Variants in THADA observed in about 807,000 individuals in gnomAD.
THADA encodes the protein tRNA (32-2'-O)-methyltransferase regulator THADA.
THADA carries 213 observed loss-of-function variants against 219.8 expected under a neutral mutation model. That is an observed-to-expected ratio of 0.97 (90% CI 0.87 to 1.09). The LOEUF (loss-of-function observed/expected upper bound fraction) is 1.09. Ranked by LOEUF, THADA falls within the 50% of genes least tolerant of loss-of-function variation. The pLI is 0.00. For synonymous variants in THADA, 1,018 were observed against 828.9 expected (o/e 1.23, Z -3.92); for missense variants, 2,956 against 2,311.3 (o/e 1.28, Z -5.72).
At chr2:43,327,477 GA>G (rs1257944593) in intron 30 of THADA, among the ~76,000 whole-genome samples, 3 of 137,558 alleles carry the variant, frequency 2.2e-5, no homozygotes, top group Admixed American at 7.2e-5. Flanking sequence ...GAGAAGTAAA[GA>G]GGGGGGGTGG....
intron 30 of THADA, 64 bp downstream of exon 30, chr2:43,344,058 C>T: frequency 1.7e-6 from 2 of 1,173,156 alleles, no homozygotes; most frequent in African/African-American, 1.5e-5. Context: ...CAACTAGAAA[C>T]AGCAATTCTC....
intron 26 of THADA, among the ~76,000 whole-genome samples, chr2:43,439,792 G>A (rs150407371): frequency 0.011 from 1,713 of 152,254 alleles, 31 homozygotes; most frequent in Non-Finnish European, 0.013. Context: ...ACAGATAAGG[G>A]AAGACTACTG....
At chr2:43,476,002 T>C (rs1473759802) in intron 26 of THADA, among the ~76,000 whole-genome samples, 2 of 152,334 alleles carry the variant, frequency 1.3e-5, no homozygotes, top group East Asian at 3.9e-4. Context: ...TCATCCTTCC[T>C]CTTAACAGAA....
chr2:43,297,626 C>G (rs567985394), intron 31 of THADA, among the ~76,000 whole-genome samples: 9 of 87,054 alleles, frequency 1.0e-4, no homozygotes, highest in African/African-American at 1.4e-4. Flanking sequence ...CCGGCCAGCC[C>G]CCCCGTCCGG....
At chr2:43,299,058 G>A (rs1174914542) in intron 31 of THADA, among the ~76,000 whole-genome samples, 1 of 152,052 alleles carries the variant, frequency 6.6e-6, no homozygotes, top group Non-Finnish European at 1.5e-5. Flanking sequence ...TTTATTCAGT[G>A]TCCCCAAGGG....
rs374295578 is a variant in THADA, at chr2:43,253,111, A to C, written c.5297-20229T>G. Among the ~76,000 whole-genome samples the C allele has an allele frequency of 6.6e-5, 10 of 152,294 alleles. No homozygotes were observed. The East Asian group carries it at 9.6e-4, about 15-fold the overall frequency. ...GCTTCTCTAATGACTCTTTTGAAAC[A>C]TTGGCTTGAAGACAGATCAGGGTCT... On this transcript the variant is annotated intron_variant, in intron 36 of 37. Coordinates refer to ENST00000405975, the MANE Select transcript of THADA (RefSeq NM_022065.5).
rs766307831 is a variant in THADA, at chr2:43,590,934, T to C, written c.192A>G (p.Lys64=). 1 of 1,613,416 alleles carries C rather than the reference T, an allele frequency of 6.2e-7. No individual in the cohort carries two copies. Among genetic ancestry groups the C allele is most frequent in the Admixed American group, 1.7e-5 (1 of 59,942 alleles). ...YIKQIVPLLE[K]ADKNGMCDPT... The stretch of plus-strand genomic sequence containing the variant: ...GATCACACATGCCATTTTTATCTGC[T>C]TTCTCCAGCAGAGGCACAATCTATA... Residue 64 remains lysine (K), a synonymous_variant, in exon 4 of 38, where the codon AAA becomes AAG. Coordinates refer to ENST00000405975, the MANE Select transcript of THADA (RefSeq NM_022065.5).
At chr2:43,560,410 G>T (rs1166566911) in intron 15 of THADA, 25 bp from the exon 16 acceptor site, 9 of 1,454,508 alleles carry the variant, frequency 6.2e-6, no homozygotes, top group Non-Finnish European at 8.2e-6. Context: ...AAAACAAAAA[G>T]ATTTAAAAGT....
chr2:43,486,839 A>T (rs148345679), intron 25 of THADA, among the ~76,000 whole-genome samples: 1 of 152,286 alleles, frequency 6.6e-6, no homozygotes, highest in African/African-American at 2.4e-5. Context: ...CAGGAAATTA[A>T]AGGAAAAAAA....
Position 43,592,200 on chromosome 2 carries a change from A to G in THADA, c.76+117T>C, listed in dbSNP as rs1701653892. ...ATTTTAAGAAAATTGTTTTACATCC[A>G]AAACATAAGGAAAAATATAAAGAAT... On this transcript the variant is annotated intron_variant, in intron 2 of 37. Transcript: ENST00000405975. The G allele has an allele frequency of 3.0e-6, 3 of 1,014,068 alleles. No individual in the cohort carries two copies. The East Asian group carries it at 7.9e-5, about 27-fold the overall frequency. 62.8% of individuals were successfully genotyped at this position (1,014,068 alleles called of 1,614,324 possible).
chr2:43,573,006 A>G lies in THADA; in HGVS notation c.1730-14T>C. 1 of 1,610,988 alleles carries G rather than the reference A, an allele frequency of 6.2e-7. No homozygotes were observed. ...ATTGCTCTTGTCCTGAAAGCACAAT[A>G]ACAAAGACCATTACTGTATTATGCA... is the stretch of plus-strand genomic sequence containing the variant. On this transcript the variant is annotated splice_polypyrimidine_tract_variant and intron_variant, in intron 11 of 37. Transcript: ENST00000405975.
intron 12 of THADA, among the ~76,000 whole-genome samples, chr2:43,572,142 G>A (rs557831898): frequency 6.6e-6 from 1 of 151,844 alleles, no homozygotes; most frequent in South Asian, 2.1e-4. Flanking sequence ...TTTTTCCAGT[G>A]ACCCCTTTTA....
intron 26 of THADA, among the ~76,000 whole-genome samples, chr2:43,482,319 T>TA (rs1158697044): frequency 6.6e-6 from 1 of 152,158 alleles, no homozygotes; most frequent in Non-Finnish European, 1.5e-5. Context: ...TCTACACACT[T>TA]ACAAAGGATC....
At chr2:43,418,710 A>C (rs1677317020) in intron 28 of THADA, among the ~76,000 whole-genome samples, 1 of 152,050 alleles carries the variant, frequency 6.6e-6, no homozygotes, top group African/African-American at 2.4e-5. Context: ...AAAGTGAAAA[A>C]GAAAAGGTTT....
intron 29 of THADA, among the ~76,000 whole-genome samples, chr2:43,382,373 TA>T (rs1672147982): frequency 6.6e-6 from 1 of 152,226 alleles, no homozygotes; most frequent in Non-Finnish European, 1.5e-5. Context: ...TCAGTATATA[TA>T]AAACTATTCT....
In THADA at chr2:43,567,535, G is replaced by A. The variant is rs1197839052; in HGVS notation, c.2188-714C>T. Among the ~76,000 whole-genome samples, 5 of 152,136 alleles carry A rather than the reference G, an allele frequency of 3.3e-5. No homozygotes were observed. In the East Asian group the frequency reaches 9.6e-4, roughly 29 times the overall value. The stretch of plus-strand genomic sequence containing the variant: ...CCAGCTACTCGGGAGGCTGAGGCAG[G>A]AGAATTGCTTGAACCCAGGAGGCAG... On this transcript the variant is annotated intron_variant, in intron 14 of 37. Coordinates refer to ENST00000405975, the MANE Select transcript of THADA (RefSeq NM_022065.5).
intron 35 of THADA, among the ~76,000 whole-genome samples, chr2:43,285,913 C>T (rs1418794677): frequency 6.6e-6 from 1 of 152,182 alleles, no homozygotes; most frequent in African/African-American, 2.4e-5. Context: ...TTAAAAATCA[C>T]TGAATGCAAC....
chr2:43,293,227 A>G lies in THADA; in HGVS notation c.4439-14T>C. 1 of 1,586,126 alleles carries G rather than the reference A, an allele frequency of 6.3e-7. No homozygotes were observed. The highest frequency in any genetic ancestry group is 8.6e-7 in the Non-Finnish European group (1 of 1,165,832). Reference sequence around the variant, plus strand: ...GACTCTCCAGAACTAAGAAGCAAAAAAAGCAAAAGGGAAAGAGATAATCAC... The same window carrying G: ...GACTCTCCAGAACTAAGAAGCAAAAGAAGCAAAAGGGAAAGAGATAATCAC... On this transcript the variant is annotated splice_polypyrimidine_tract_variant and intron_variant, in intron 31 of 37. Transcript: ENST00000405975.
At chr2:43,507,066 T>C (rs1467700394) in intron 23 of THADA, among the ~76,000 whole-genome samples, 2 of 152,316 alleles carry the variant, frequency 1.3e-5, no homozygotes, top group East Asian at 1.9e-4. Flanking sequence ...TTCTTTTCCA[T>C]AGCTAACACT....
Sources: gnomAD v4.1 joint callset for allele counts (sites outside exome capture counted in the v4.1 genomes callset) on GRCh38, gnomAD v4.1.1 for gene constraint, MANE v1.5 for transcripts, NCBI Gene and HGNC (gene_info 2026-07-23, HGNC 2026-07-21) for gene names.